The following THSD7B variants were observed in gnomAD, a reference collection of about 807,000 sequenced individuals.
THSD7B encodes the protein thrombospondin type 1 domain containing 7B.
A neutral mutation model predicts 213.6 loss-of-function variants in THSD7B; 138 were observed. That is an observed-to-expected ratio of 0.65 (90% confidence interval 0.56 to 0.74). THSD7B has a LOEUF of 0.74. Among genes scored for constraint, THSD7B ranks in the 30% least tolerant of loss-of-function variants. The probability of loss-of-function intolerance (pLI) is 0.00; values close to 1 mark genes in which losing one functional copy is unlikely to be tolerated. For missense variants in THSD7B, 1,931 were observed against 1,991.5 expected (o/e 0.97, Z 0.58); for synonymous variants, 742 against 687.0 (o/e 1.08, Z -1.25).
At chr2:137,492,063 A>T (rs1679422484) in intron 15 of THSD7B, among the ~76,000 whole-genome samples, 1 of 151,988 alleles carries the variant, frequency 6.6e-6, no homozygotes, top group Admixed American at 6.6e-5. Flanking sequence ...CAATCTCTTG[A>T]TTAGCTCTAT....
chr2:136,994,014 G>GTATAACTCT (rs1329705338), intron 2 of THSD7B, among the ~76,000 whole-genome samples: 32 of 152,322 alleles, frequency 2.1e-4, no homozygotes, highest in African/African-American at 7.2e-4. Flanking sequence ...AGAACAGCAG[G>GTATAACTCT]TATAACTCTT....
At chr2:137,373,232 C>T (rs1441532511) in intron 12 of THSD7B, among the ~76,000 whole-genome samples, 1 of 152,190 alleles carries the variant, frequency 6.6e-6, no homozygotes, top group Admixed American at 6.5e-5. Flanking sequence ...ACGGCCGGGT[C>T]AAATGGTATT....
intron 21 of THSD7B, among the ~76,000 whole-genome samples, chr2:137,655,103 T>C (rs1438813375): frequency 6.6e-6 from 1 of 152,214 alleles, no homozygotes; most frequent in Non-Finnish European, 1.5e-5. Context: ...TACTGAATTC[T>C]ATAAAAAAGA....
chr2:137,612,778 A>G (rs1309289593), intron 17 of THSD7B, among the ~76,000 whole-genome samples: 1 of 152,176 alleles, frequency 6.6e-6, no homozygotes, highest in Non-Finnish European at 1.5e-5. Flanking sequence ...AAATCTCATA[A>G]TGAAAATAAT....
intron 1 of THSD7B, among the ~76,000 whole-genome samples, chr2:136,829,203 T>A (rs1573657681): frequency 6.7e-6 from 1 of 149,596 alleles, no homozygotes; most frequent in Admixed American, 6.7e-5. Context: ...TCCTCCAGAG[T>A]GCCCAGAATG....
At position 137,242,467 on chromosome 2, in the gene THSD7B, T is replaced by A; in HGVS notation, c.2161T>A (p.Ser721Thr). The A allele has an allele frequency of 6.2e-7, 1 of 1,613,684 alleles. No individual in the cohort carries two copies. The highest frequency in any genetic ancestry group is 8.5e-7 in the Non-Finnish European group (1 of 1,179,608). ...TTTTCACATTGACAGATGTCCAGAT[T>A]CTACTCGACCTGAAACTGTGCGCCC... Reference protein sequence around the residue: ...GQVMTKRCPDSTRPETVRPCF... With the variant: ...GQVMTKRCPDTTRPETVRPCF... Residue 721 changes from serine to threonine, a missense_variant, in exon 10 of 28, where the codon TCT becomes ACT. Coordinates refer to ENST00000409968, the MANE Select transcript of THSD7B (RefSeq NM_001316349.2).
intron 20 of THSD7B, among the ~76,000 whole-genome samples, chr2:137,631,115 C>G (rs894082420): frequency 1.3e-5 from 2 of 152,150 alleles, no homozygotes; most frequent in Non-Finnish European, 2.9e-5. Flanking sequence ...TTGGCATATA[C>G]TTTCTAATTG....
At chr2:137,219,839 G>T (rs1681327479) in intron 7 of THSD7B, among the ~76,000 whole-genome samples, 1 of 152,046 alleles carries the variant, frequency 6.6e-6, no homozygotes, top group African/African-American at 2.4e-5. Context: ...ATACTAAATG[G>T]ATACTAAATA....
At chr2:136,765,899 G>A (rs1378832965) in intron 1 of THSD7B, among the ~76,000 whole-genome samples, 4 of 152,252 alleles carry the variant, frequency 2.6e-5, no homozygotes, top group Non-Finnish European at 5.9e-5. Context: ...GGGGCTGCGG[G>A]AAGCGTGGGC....
intron 15 of THSD7B, among the ~76,000 whole-genome samples, chr2:137,475,280 A>C (rs529211692): frequency 6.6e-6 from 1 of 152,320 alleles, no homozygotes; most frequent in South Asian, 2.1e-4. Context: ...GTAATAATCA[A>C]GGCGGTATTT....
chr2:137,345,005 A>G (rs1684845354), intron 12 of THSD7B, among the ~76,000 whole-genome samples: 1 of 151,658 alleles, frequency 6.6e-6, no homozygotes, highest in Non-Finnish European at 1.5e-5. Context: ...CTTTAACTAT[A>G]CATTCAGCTA....
chr2:137,019,909 G>A (rs13427826), intron 2 of THSD7B, among the ~76,000 whole-genome samples: 116 of 152,110 alleles, frequency 7.6e-4, no homozygotes, highest in Non-Finnish European at 1.4e-3. Context: ...ATAGTTACCC[G>A]TGGTGTAATT....
intron 15 of THSD7B, among the ~76,000 whole-genome samples, chr2:137,478,482 T>G (rs1307439087): frequency 6.6e-6 from 1 of 152,212 alleles, no homozygotes; most frequent in Admixed American, 6.5e-5. Flanking sequence ...TTTTCTGATT[T>G]TCTTCTATTG....
At chr2:137,139,359 T>A (rs1183041254) in intron 5 of THSD7B, among the ~76,000 whole-genome samples, 2 of 152,068 alleles carry the variant, frequency 1.3e-5, no homozygotes, top group African/African-American at 2.4e-5. Context: ...TGAAAAAAAA[T>A]TAGTAGTGAA....
At chr2:137,325,247 G>A (rs1225401929) in intron 12 of THSD7B, among the ~76,000 whole-genome samples, 3 of 152,146 alleles carry the variant, frequency 2.0e-5, no homozygotes, top group Non-Finnish European at 4.4e-5. Flanking sequence ...GAATGGAAGT[G>A]AAAAGAAAGC....
intron 1 of THSD7B, among the ~76,000 whole-genome samples, chr2:136,783,006 C>T (rs1681771098): frequency 6.6e-6 from 1 of 152,208 alleles, no homozygotes; most frequent in African/African-American, 2.4e-5. Context: ...TCAGAGCAAA[C>T]ATCCAGGCAG....
intron 4 of THSD7B, among the ~76,000 whole-genome samples, chr2:137,104,808 A>C (rs1018507507): frequency 6.6e-6 from 1 of 152,340 alleles, no homozygotes; most frequent in Non-Finnish European, 1.5e-5. Flanking sequence ...AAAAATCTAC[A>C]AGAAATGGAT....
chr2:136,886,431 G>A lies in THSD7B; in HGVS notation c.139+4114G>A, dbSNP rs373364701. On this transcript the variant is annotated intron_variant, in intron 2 of 27. Transcript: ENST00000409968. ...ACCAAGGCCATGGCAGTGGAGGTGC[G>A]GAGAAGGAGTTGAATCTTGGCTATA... Among the ~76,000 whole-genome samples, 16 of 152,124 alleles carry A rather than the reference G, an allele frequency of 1.1e-4. No homozygotes were observed. The East Asian group carries it at 1.9e-3, about 18-fold the overall frequency.
intron 15 of THSD7B, among the ~76,000 whole-genome samples, 174 bp downstream of exon 15, chr2:137,451,197 G>A (rs1687644368): frequency 1.3e-5 from 2 of 152,040 alleles, no homozygotes; most frequent in African/African-American, 4.8e-5. Flanking sequence ...TTGAAGCTTT[G>A]CTCACACCTG....
Sources: gnomAD v4.1 joint callset for allele counts (sites outside exome capture counted in the v4.1 genomes callset) on GRCh38, gnomAD v4.1.1 for gene constraint, MANE v1.5 for transcripts, NCBI Gene and HGNC (gene_info 2026-07-23, HGNC 2026-07-21) for gene names.